Variants in HLA-F observed in about 807,000 individuals in gnomAD.
HLA-F encodes the protein major histocompatibility complex, class I, F, also known as HLA class I histocompatibility antigen, alpha chain F.
Under a neutral mutation model 49.5 loss-of-function variants are expected in HLA-F, and 46 were observed. The observed-to-expected ratio is 0.93, with a 90% confidence interval of 0.73 to 1.19. The LOEUF is 1.19. HLA-F is among the 50% of genes most tolerant of loss of function. The pLI is 0.00. For missense variants in HLA-F, 496 were observed against 579.6 expected, an observed-to-expected ratio of 0.86 and a Z score of 1.48; for synonymous variants, 203 against 233.5, an observed-to-expected ratio of 0.87 and a Z score of 1.19.
Position 29,723,731 on chromosome 6 carries a change from GGAGTA to G in HLA-F, c.139_143del (p.Glu47ArgfsTer47), listed in dbSNP as rs1338532734. On this transcript the variant is annotated frameshift_variant, in exon 2 of 7. Coordinates refer to ENST00000259951, the MANE Select transcript of HLA-F (RefSeq NM_001098479.2). LOFTEE classifies it high-confidence loss of function. ...GCGGGGAGCCCCGCTACATCGCCGT[GGAGTA>G]CGTAGACGACACGCAATTCCTGCGG... 4 of 1,612,120 alleles carry G rather than the reference GGAGTA, an allele frequency of 2.5e-6. No homozygotes were observed. The highest frequency in any genetic ancestry group is 3.4e-6 in the Non-Finnish European group (4 of 1,179,892).
chr6:29,725,542 A>G lies in HLA-F; in HGVS notation c.982A>G (p.Met328Val). Residue 328 changes from methionine (M) to valine (V), a missense_variant, in exon 5 of 7, where the codon ATG becomes GTG. By Grantham distance (21) the Met-to-Val change is conservative. Coordinates refer to ENST00000259951, the MANE Select transcript of HLA-F (RefSeq NM_001098479.2). The stretch of plus-strand genomic sequence containing the variant: ...CACTGGAGCTGTGGTCGCTGCTGTG[A>G]TGTGGAGGAAGAAGAGCTCAGGTAG... ...VVTGAVVAAV[M>V]WRKKSSDRNR... 2 of 1,614,012 alleles carry G rather than the reference A, an allele frequency of 1.2e-6. No homozygotes were observed. The highest frequency in any genetic ancestry group is 8.5e-7 in the Non-Finnish European group (1 of 1,179,938).
At chr6:29,724,525 T>G in intron 3 of HLA-F, 77 bp downstream of exon 3, 1 of 1,485,532 alleles carries the variant, frequency 6.7e-7, no homozygotes, top group South Asian at 1.2e-5. Flanking sequence ...GGGAGGAAAG[T>G]GGACCCAATG....
At chr6:29,726,590 AAG>A (rs1562294591) in intron 6 of HLA-F, 1 of 1,507,354 alleles carries the variant, frequency 6.6e-7, no homozygotes, top group Non-Finnish European at 8.9e-7. Flanking sequence ...TGTGAAGAGA[AAG>A]AGTGAATAGA....
Position 29,724,467 on chromosome 6 carries a change from G to C in HLA-F, c.610+19G>C, listed in dbSNP as rs758268521. The C allele has an allele frequency of 4.3e-6, 7 of 1,610,748 alleles. No individual in the cohort carries two copies. The highest frequency in any genetic ancestry group is 5.9e-6 in the Non-Finnish European group (7 of 1,178,328). ...CGCGCAGGTACCAGGGGCCATGGGC[G>C]CCTTCCCTATCTCCTGTAGATCTCT... On this transcript the variant is annotated intron_variant, in intron 3 of 6. Transcript: ENST00000259951.
At chr6:29,726,238 G>C in intron 6 of HLA-F, 195 bp downstream of exon 6, 1 of 953,016 alleles carries the variant, frequency 1.0e-6, no homozygotes, top group Non-Finnish European at 1.7e-6. Context: ...TGACACTCCA[G>C]GGCAGGGGCC....
At position 29,724,295 on chromosome 6, in the gene HLA-F, T is replaced by C; in HGVS notation, c.457T>C (p.Ser153Pro). 6.2e-7 allele frequency: 1 copy of C among 1,613,192 alleles called. No individual in the cohort carries two copies. The highest frequency in any genetic ancestry group is 8.5e-7 in the Non-Finnish European group (1 of 1,180,030). Reference sequence around the variant, plus strand: ...CATCTCCCTGAACGAGGACCTGCGCTCCTGGACCGCGGCGGACACCGTGGC... The same window carrying C: ...CATCTCCCTGAACGAGGACCTGCGCCCCTGGACCGCGGCGGACACCGTGGC... Reference protein sequence around the residue: ...DYISLNEDLRSWTAADTVAQI... With the variant: ...DYISLNEDLRPWTAADTVAQI... Residue 153 changes from serine to proline, a missense_variant, in exon 3 of 7, where the codon TCC becomes CCC. Physicochemically the swap from Ser to Pro is moderately conservative, Grantham distance 74. Coordinates refer to ENST00000259951, the MANE Select transcript of HLA-F (RefSeq NM_001098479.2).
At position 29,723,830 on chromosome 6, in the gene HLA-F, G is replaced by A; in HGVS notation, c.237G>A (p.Gln79=). 6.2e-7 allele frequency: 1 copy of A among 1,602,108 alleles called. No homozygotes were observed. The highest frequency in any genetic ancestry group is 2.3e-5 in the East Asian group (1 of 44,082). ...CGTGGGTGGAGCAAGAGGGGCCGCA[G>A]TATTGGGAGTGGACCACAGGGTACG... ...REPWVEQEGP[Q]YWEWTTGYAK... Residue 79 remains glutamine, a synonymous_variant, in exon 2 of 7, where the codon CAG becomes CAA. Coordinates refer to ENST00000259951, the MANE Select transcript of HLA-F (RefSeq NM_001098479.2).
chr6:29,727,929 C>T, downstream of HLA-F: 1 of 517,620 alleles, frequency 1.9e-6, no homozygotes, highest in South Asian at 1.4e-5. Context: ...TGCTTTGTAT[C>T]TACTTCCGGA....
downstream of HLA-F, among the ~76,000 whole-genome samples, chr6:29,731,805 T>A (rs1351438792): frequency 1.4e-5 from 2 of 142,440 alleles, no homozygotes; most frequent in African/African-American, 4.9e-5. Context: ...CTGGTCTGTT[T>A]CCTTACCATT....
Position 29,723,681 on chromosome 6 carries a change from A to C in HLA-F, c.88A>C (p.Ser30Arg). The change falls in exon 2 of 7, where the codon AGC (serine) becomes CGC (arginine). Residue 30 changes from serine to arginine, a missense_variant. Physicochemically the swap from Ser to Arg is moderately radical, Grantham distance 110. Transcript: ENST00000259951. ...WAGSHSLRYF[S>R]TAVSRPGRGE... Reference sequence around the variant, plus strand: ...AGGCTCCCACTCCTTGAGGTATTTCAGCACCGCTGTGTCGCGGCCCGGCCG... The same window carrying C: ...AGGCTCCCACTCCTTGAGGTATTTCCGCACCGCTGTGTCGCGGCCCGGCCG... 1 of 1,610,676 alleles carries C rather than the reference A, an allele frequency of 6.2e-7. No homozygotes were observed. Among genetic ancestry groups the C allele is most frequent in the Non-Finnish European group, 8.5e-7 (1 of 1,179,138 alleles).
Position 29,723,940 on chromosome 6 carries a change from G to A in HLA-F, c.334+13G>A. 6.3e-7 allele frequency: 1 copy of A among 1,584,290 alleles called. No homozygotes were observed. The highest frequency in any genetic ancestry group is 8.6e-7 in the Non-Finnish European group (1 of 1,165,608). ...CAGAGCGAGGCTGGTGAGTGAACCC[G>A]GCCGGGGGCGCAGGTCACGACCACC... On this transcript the variant is annotated intron_variant, in intron 2 of 6. Coordinates refer to ENST00000259951, the MANE Select transcript of HLA-F (RefSeq NM_001098479.2).
At chr6:29,734,099 C>G (rs1290753420) in intron 3 of HLA-F, among the ~76,000 whole-genome samples, 1 of 152,174 alleles carries the variant, frequency 6.6e-6, no homozygotes, top group South Asian at 2.1e-4. Context: ...ACTGAGAACC[C>G]TGGAAGGTTC....
chr6:29,723,617 G>A (rs1371535519), intron 1 of HLA-F, 41 bp from the exon 2 acceptor site: 3 of 1,599,588 alleles, frequency 1.9e-6, no homozygotes, highest in Non-Finnish European at 2.6e-6. Flanking sequence ...AGCCGCCTCC[G>A]GAGGAGGGTC....
At chr6:29,734,730 T>C (rs774407447) in intron 3 of HLA-F, among the ~76,000 whole-genome samples, 1 of 152,188 alleles carries the variant, frequency 6.6e-6, no homozygotes. Context: ...AATTAGTAGG[T>C]TCGCAATGTT....
At chr6:29,731,670 C>T (rs1776629724), downstream of HLA-F, among the ~76,000 whole-genome samples, 1 of 152,102 alleles carries the variant, frequency 6.6e-6, no homozygotes. Flanking sequence ...GAAACACCCT[C>T]GCAGGCACAC....
Position 29,726,269 on chromosome 6 carries a change from G to GT in HLA-F, c.1036+226_1036+227insT, listed in dbSNP as rs201715782. ...GGGCCCTGATGTGAGTGGGGTGTTG[G>GT]GGGGGAACAGAGGGGACTCAGCTGT... is the stretch of plus-strand genomic sequence containing the variant. On this transcript the variant is annotated intron_variant, in intron 6 of 6. Coordinates refer to ENST00000259951, the MANE Select transcript of HLA-F (RefSeq NM_001098479.2). 4.8e-6 allele frequency: 5 copies of GT among 1,038,978 alleles called. No homozygotes were observed. In the South Asian group the frequency reaches 6.3e-5, roughly 13 times the overall value. 64.4% of individuals were successfully genotyped at this position (1,038,978 alleles called of 1,614,324 possible).
At position 29,727,069 on chromosome 6, in the gene HLA-F, C is replaced by A. The variant is rs1044612012; in HGVS notation, c.1223C>A (p.Ala408Asp). 4 of 1,613,058 alleles carry A rather than the reference C, an allele frequency of 2.5e-6. No individual in the cohort carries two copies. The African/African-American group carries it at 5.3e-5, about 22-fold the overall frequency. ...LWTSFNTAFL[A>D]LQSLRFGFGF... is the part of the protein sequence containing the mutation. ...ACATCTTTCAACACTGCCTTCTTGG[C>A]CTTGCAAAGCCTTCGCTTTGGCTTC... The change falls in exon 7 of 7, where the codon GCC becomes GAC. Residue 408 changes from alanine to aspartate, a missense_variant. Physicochemically the swap from Ala to Asp is moderately radical, Grantham distance 126. Coordinates refer to ENST00000259951, the MANE Select transcript of HLA-F (RefSeq NM_001098479.2).
intron 3 of HLA-F, chr6:29,735,042 A>G (rs1380972252): frequency 6.6e-6 from 1 of 152,094 alleles, no homozygotes; most frequent in African/African-American, 2.4e-5. Flanking sequence ...AATACACTAC[A>G]TGTTGTTTAT....
chr6:29,724,070 C>A (rs749835659), intron 2 of HLA-F, 103 bp from the exon 3 acceptor site: 2 of 1,552,340 alleles, frequency 1.3e-6, no homozygotes, highest in Non-Finnish European at 8.7e-7. Flanking sequence ...GAGTCCCAGG[C>A]GCCTTTACCC....
Sources: gnomAD v4.1 joint callset for allele counts (sites outside exome capture counted in the v4.1 genomes callset) on GRCh38, gnomAD v4.1.1 for gene constraint, MANE v1.5 for transcripts, NCBI Gene and HGNC (gene_info 2026-07-23, HGNC 2026-07-21) for gene names.